Variants in GRK5 observed in about 807,000 individuals in gnomAD.
GRK5 encodes g protein-coupled receptor kinase GRK5.
A neutral mutation model predicts 78.4 loss-of-function variants in GRK5; 40 were observed. The ratio of observed to expected loss-of-function variants is 0.51; its 90% confidence interval spans 0.40 to 0.66. GRK5 has a LOEUF of 0.66. Ranked by LOEUF, GRK5 falls within the 30% of genes least tolerant of loss-of-function variation. The pLI, the probability that GRK5 is intolerant of heterozygous loss-of-function variation, is 0.00. For missense variants in GRK5, 598 were observed against 759.9 expected (o/e 0.79, Z 2.50); for synonymous variants, 289 against 296.8 (o/e 0.97, Z 0.27).
intron 3 of GRK5, among the ~76,000 whole-genome samples, chr10:119,396,456 T>G (rs370356801): frequency 6.6e-6 from 1 of 152,258 alleles, no homozygotes; most frequent in Admixed American, 6.5e-5. Flanking sequence ...GATTCTGATG[T>G]GCAGTCTGCA....
rs899008469 is a variant in GRK5, at chr10:119,455,710, A to C, written c.*643A>C. ...TGTCACCCTTCTGTCGGCTTGGAAC[A>C]ATCTGAATTAAATGTTCCAGACACA... On this transcript the variant is annotated 3_prime_UTR_variant, in exon 16 of 16. Coordinates refer to ENST00000392870, the MANE Select transcript of GRK5 (RefSeq NM_005308.3). 4.3e-6 allele frequency: 1 copy of C among 230,416 alleles called. No individual in the cohort carries two copies. Among genetic ancestry groups the C allele is most frequent in the African/African-American group, 2.4e-5 (1 of 41,906 alleles). The allele number at this position is 230,416 out of a possible 1,614,324, so 14.3% of individuals were successfully genotyped here.
chr10:119,292,149 TTCC>T (rs1440765341), intron 1 of GRK5, among the ~76,000 whole-genome samples: 2 of 64,070 alleles, frequency 3.1e-5, no homozygotes, highest in African/African-American at 1.3e-4. Flanking sequence ...TCTCCTCCTC[TTCC>T]TCCTCCTCTT....
intron 1 of GRK5, among the ~76,000 whole-genome samples, chr10:119,315,407 G>A (rs186009855): frequency 6.6e-6 from 1 of 152,224 alleles, no homozygotes; most frequent in Non-Finnish European, 1.5e-5. Flanking sequence ...ATCAGTTTCA[G>A]CTGGAGGTGC....
At chr10:119,398,474 T>C (rs935692641) in intron 4 of GRK5, among the ~76,000 whole-genome samples, 13 of 152,210 alleles carry the variant, frequency 8.5e-5, no homozygotes, top group Non-Finnish European at 1.9e-4. Context: ...GAGGCCACTC[T>C]GCTGAAGGGG....
chr10:119,329,520 C>G lies in GRK5; in HGVS notation c.148+2909C>G, dbSNP rs118130970. Among the ~76,000 whole-genome samples, 439 of 152,274 alleles carry G rather than the reference C, an allele frequency of 2.9e-3. 12 individuals carry two copies. The East Asian group carries it at 0.062, about 22-fold the overall frequency. Reference sequence around the variant, plus strand: ...GCCAGTGGGTGCAGACTAAAAAGCTCCTTCCCTCAAGACCAGCCTGACCAA... The same window carrying G: ...GCCAGTGGGTGCAGACTAAAAAGCTGCTTCCCTCAAGACCAGCCTGACCAA... On this transcript the variant is annotated intron_variant, in intron 2 of 15. Transcript: ENST00000392870.
At chr10:119,439,827 G>C in intron 10 of GRK5, 59 bp downstream of exon 10, 1 of 1,531,006 alleles carries the variant, frequency 6.5e-7, no homozygotes, top group East Asian at 2.2e-5. Flanking sequence ...AAAGCAAAGG[G>C]CCTCCCAGGG....
chr10:119,284,903 A>G (rs1456921790), intron 1 of GRK5, among the ~76,000 whole-genome samples: 1 of 152,224 alleles, frequency 6.6e-6, no homozygotes, highest in African/African-American at 2.4e-5. Flanking sequence ...TGCAGAGCAC[A>G]GGCATCCGAG....
intron 2 of GRK5, among the ~76,000 whole-genome samples, chr10:119,341,028 T>TC (rs906585924): frequency 3.9e-5 from 6 of 152,214 alleles, no homozygotes; most frequent in South Asian, 2.1e-4. Context: ...GAGCTGCCCC[T>TC]CCCCTCTGCC....
At chr10:119,315,126 CTG>C (rs1850463441) in intron 1 of GRK5, among the ~76,000 whole-genome samples, 1 of 152,172 alleles carries the variant, frequency 6.6e-6, no homozygotes, top group South Asian at 2.1e-4. Context: ...GGTGAAGAAA[CTG>C]AGGCCAGAGG....
intron 1 of GRK5, among the ~76,000 whole-genome samples, chr10:119,321,214 T>C (rs1174136621): frequency 1.3e-5 from 2 of 152,222 alleles, no homozygotes; most frequent in African/African-American, 4.8e-5. Context: ...AAGCCAGATA[T>C]GGGGTGAGAG....
intron 1 of GRK5, among the ~76,000 whole-genome samples, chr10:119,322,720 C>G (rs1850606962): frequency 2.6e-5 from 4 of 152,186 alleles, no homozygotes; most frequent in Non-Finnish European, 5.9e-5. Context: ...TACAGCCTAG[C>G]AATCTGTATT....
In GRK5 at chr10:119,431,503, C is replaced by G. The variant is rs760228524; in HGVS notation, c.714C>G (p.Leu238=). 1.2e-6 allele frequency: 2 copies of G among 1,613,726 alleles called. No homozygotes were observed. Among genetic ancestry groups the G allele is most frequent in the African/African-American group, 1.3e-5 (1 of 75,032 alleles). The change falls in exon 8 of 16, where the codon CTC becomes CTG. Residue 238 remains leucine (L), a synonymous_variant. Transcript: ENST00000392870. The surrounding 1 kb of genome is among the most constrained non-coding windows in gnomAD (Gnocchi z 4.8). ...ESMALNEKQI[L]EKVNSQFVVN... Reference sequence around the variant, plus strand: ...TGGCCCTCAATGAGAAGCAGATCCTCGAGAAGGTCAACAGTCAGTTTGTGG... The same window carrying G: ...TGGCCCTCAATGAGAAGCAGATCCTGGAGAAGGTCAACAGTCAGTTTGTGG...
chr10:119,399,205 CAT>C (rs1435052485), intron 4 of GRK5, among the ~76,000 whole-genome samples: 1 of 152,240 alleles, frequency 6.6e-6, no homozygotes, highest in African/African-American at 2.4e-5. Context: ...TAAGCCACAC[CAT>C]ATGTTACGGC....
chr10:119,365,390 T>G (rs1043588562), intron 2 of GRK5, among the ~76,000 whole-genome samples: 1 of 152,180 alleles, frequency 6.6e-6, no homozygotes, highest in Admixed American at 6.5e-5. Flanking sequence ...AGACAGCCCT[T>G]GAAGATTTAT....
At chr10:119,289,584 A>G (rs1318078938) in intron 1 of GRK5, among the ~76,000 whole-genome samples, 2 of 152,234 alleles carry the variant, frequency 1.3e-5, no homozygotes, top group Admixed American at 6.5e-5. Context: ...TGACTTGGCC[A>G]TAGTCACACA....
chr10:119,449,965 G>C (rs1301218478), intron 13 of GRK5, among the ~76,000 whole-genome samples: 1 of 152,200 alleles, frequency 6.6e-6, no homozygotes, highest in Non-Finnish European at 1.5e-5. Flanking sequence ...TCTGGGGTAA[G>C]ACTCGGGCTT....
chr10:119,334,300 C>A (rs902429878), intron 2 of GRK5, among the ~76,000 whole-genome samples: 3 of 152,072 alleles, frequency 2.0e-5, no homozygotes, highest in African/African-American at 4.8e-5. Context: ...CAGAGCGAGA[C>A]CCTCTAAAAA....
chr10:119,270,808 T>A (rs1415496082), intron 1 of GRK5, among the ~76,000 whole-genome samples: 1 of 152,214 alleles, frequency 6.6e-6, no homozygotes, highest in Non-Finnish European at 1.5e-5. Context: ...GGCATTTTCC[T>A]TCCAGCAGCT....
intron 2 of GRK5, among the ~76,000 whole-genome samples, chr10:119,367,469 T>C (rs1284904792): frequency 6.6e-6 from 1 of 152,182 alleles, no homozygotes; most frequent in Non-Finnish European, 1.5e-5. Context: ...AAGACCCAGA[T>C]TGGGTCCCAG....
Sources: allele counts gnomAD v4.1 joint callset (sites outside exome capture counted in the v4.1 genomes callset), GRCh38; gene constraint gnomAD v4.1.1; non-coding constraint Gnocchi (gnomAD v3.1); transcripts MANE v1.5; gene names NCBI Gene and HGNC (gene_info 2026-07-23, HGNC 2026-07-21).